MCM9: variants seen among roughly 807,000 people sequenced by gnomAD.
MCM9 encodes the protein DNA helicase MCM9.
MCM9 carries 55 observed loss-of-function variants against 72.8 expected under a neutral mutation model. That is an observed-to-expected ratio of 0.76 (90% CI 0.61 to 0.95). MCM9 has a LOEUF of 0.95. Ranked by LOEUF, MCM9 falls within the 40% of genes least tolerant of loss-of-function variation. MCM9 has a pLI of 0.00. For missense variants in MCM9, 1,279 were observed against 1,377.0 expected (o/e 0.93, Z 1.13); for synonymous variants, 480 against 503.4 (o/e 0.95, Z 0.62).
chr6:118,854,064 A>G (rs536508846), intron 9 of MCM9, among the ~76,000 whole-genome samples: 3 of 152,228 alleles, frequency 2.0e-5, no homozygotes, highest in Non-Finnish European at 4.4e-5. Flanking sequence ...TAGCAAACAG[A>G]AATTAATATT....
intron 9 of MCM9, among the ~76,000 whole-genome samples, chr6:118,845,872 C>A (rs1775826930): frequency 6.6e-6 from 1 of 151,790 alleles, no homozygotes; most frequent in African/African-American, 2.4e-5. Flanking sequence ...CAGCGCTAAC[C>A]ATTAATAAGT....
At chr6:118,886,539 T>C (rs1404470206) in intron 8 of MCM9, among the ~76,000 whole-genome samples, 1 of 152,030 alleles carries the variant, frequency 6.6e-6, no homozygotes, top group Non-Finnish European at 1.5e-5. Context: ...AAAAATCAAT[T>C]CTATGTCTAC....
chr6:118,911,076 G>T, intron 8 of MCM9: 1 of 984,390 alleles, frequency 1.0e-6, no homozygotes, highest in Non-Finnish European at 1.2e-6. Flanking sequence ...AATTCCCTGG[G>T]TCACTTTATT....
At chr6:118,920,034 T>C (rs942962328) in intron 5 of MCM9, 2 of 152,204 alleles carry the variant, frequency 1.3e-5, no homozygotes, top group African/African-American at 2.4e-5. Flanking sequence ...TTAATGACAT[T>C]TGAAAGAAAA....
intron 3 of MCM9, among the ~76,000 whole-genome samples, chr6:118,924,888 T>TAA (rs1407551405): frequency 6.6e-6 from 1 of 151,666 alleles, no homozygotes; most frequent in African/African-American, 2.4e-5. Context: ...TATAAAAAAT[T>TAA]AAAAAATCAG....
chr6:118,841,835 CTTTTT>C (rs750136757), intron 9 of MCM9, among the ~76,000 whole-genome samples: 1 of 134,710 alleles, frequency 7.4e-6, no homozygotes, highest in Non-Finnish European at 1.6e-5. Context: ...GCTATCTTGC[CTTTTT>C]TTTTTTTTTT....
chr6:118,893,760 C>T (rs1305657267), intron 8 of MCM9, among the ~76,000 whole-genome samples: 1 of 152,122 alleles, frequency 6.6e-6, no homozygotes, highest in Non-Finnish European at 1.5e-5. Flanking sequence ...AGTGTAAACA[C>T]CGACTCTCAT....
intron 9 of MCM9, among the ~76,000 whole-genome samples, chr6:118,855,097 A>G (rs1405381672): frequency 6.6e-6 from 1 of 152,178 alleles, no homozygotes; most frequent in Non-Finnish European, 1.5e-5. Context: ...TTGGTGCAAT[A>G]ACTGAACAGA....
intron 8 of MCM9, among the ~76,000 whole-genome samples, chr6:118,879,590 T>C (rs952490375): frequency 3.9e-5 from 6 of 152,236 alleles, no homozygotes; most frequent in African/African-American, 1.4e-4. Flanking sequence ...ATGGCTGCTT[T>C]CATATTATAA....
At chr6:118,920,962 G>A (rs1039524582) in intron 5 of MCM9, 1 of 152,190 alleles carries the variant, frequency 6.6e-6, no homozygotes, top group African/African-American at 2.4e-5. Context: ...TGAGGAGAGG[G>A]AACATGATGA....
intron 9 of MCM9, among the ~76,000 whole-genome samples, chr6:118,833,314 G>A (rs546187648): frequency 6.6e-6 from 1 of 151,958 alleles, no homozygotes; most frequent in Non-Finnish European, 1.5e-5. Context: ...AAGTGTTAGG[G>A]AAAAAAAATT....
intron 8 of MCM9, among the ~76,000 whole-genome samples, chr6:118,859,667 T>C (rs1776785166): frequency 6.6e-6 from 1 of 151,952 alleles, no homozygotes; most frequent in Non-Finnish European, 1.5e-5. Flanking sequence ...TTTCTGCGAG[T>C]TTTACCACTG....
chr6:118,882,291 A>G (rs1291206684), intron 8 of MCM9, among the ~76,000 whole-genome samples: 1 of 152,252 alleles, frequency 6.6e-6, no homozygotes, highest in Non-Finnish European at 1.5e-5. Context: ...CCACAAAAAC[A>G]GGGAAAGGAA....
chr6:118,894,559 C>A, intron 8 of MCM9: 1 of 1,487,542 alleles, frequency 6.7e-7, no homozygotes, highest in Non-Finnish European at 9.1e-7. Context: ...CTGTCAGTTG[C>A]GGGCTGCAGA....
intron 9 of MCM9, among the ~76,000 whole-genome samples, chr6:118,838,161 T>A (rs1775094005): frequency 6.9e-6 from 1 of 144,372 alleles, no homozygotes; most frequent in African/African-American, 2.5e-5. Context: ...TGAAAATTCT[T>A]TTTTTTTTTT....
chr6:118,845,779 T>C (rs921091081), intron 9 of MCM9, among the ~76,000 whole-genome samples: 1 of 151,802 alleles, frequency 6.6e-6, no homozygotes, highest in Non-Finnish European at 1.5e-5. Context: ...ACTCACTGGA[T>C]AACTGAATTT....
intron 8 of MCM9, among the ~76,000 whole-genome samples, chr6:118,903,186 C>T (rs558426717): frequency 2.0e-5 from 3 of 152,330 alleles, no homozygotes; most frequent in East Asian, 3.9e-4. Context: ...GAAGAGTTCT[C>T]ATAGCAGTAC....
At chr6:118,818,838 T>C (rs144159046) in intron 13 of MCM9, among the ~76,000 whole-genome samples, 151,844 of 152,308 alleles carry the variant, frequency 1, 75,693 homozygotes, top group Middle Eastern at 1. Context: ...TGAAGAGGTC[T>C]TTCACATCCC....
intron 8 of MCM9, among the ~76,000 whole-genome samples, chr6:118,865,546 GA>G (rs1480206359): frequency 6.6e-6 from 1 of 152,192 alleles, no homozygotes; most frequent in Non-Finnish European, 1.5e-5. Context: ...CTTCTCTCCA[GA>G]AGGGGCTTAT....
Sources: allele counts gnomAD v4.1 joint callset (sites outside exome capture counted in the v4.1 genomes callset), GRCh38; gene constraint gnomAD v4.1.1; transcripts MANE v1.5; gene names NCBI Gene and HGNC (gene_info 2026-07-23, HGNC 2026-07-21).